GALNT13: variants seen among roughly 807,000 people sequenced by gnomAD.
GALNT13 encodes the protein UDP-GalNAc:polypeptide N-acetylgalactosaminyltransferase 13.
A neutral mutation model predicts 64.2 loss-of-function variants in GALNT13; 28 were observed. That is an observed-to-expected ratio of 0.44 (90% CI 0.32 to 0.60). The LOEUF (loss-of-function observed/expected upper bound fraction) is 0.60. Ranked by LOEUF, GALNT13 falls within the 20% of genes least tolerant of loss-of-function variation. The pLI is 0.05. For synonymous variants in GALNT13, 214 were observed against 224.6 expected (o/e 0.95, Z 0.42); for missense variants, 577 against 669.8 (o/e 0.86, Z 1.53).
At chr2:153,156,572 C>A in the GALNT13 span, among the ~76,000 whole-genome samples, 1 of 152,216 alleles carries the variant, frequency 6.6e-6, no homozygotes, top group Non-Finnish European at 1.5e-5. Flanking sequence ...TGCCATCAGA[C>A]ACTTCTAGTA....
chr2:153,910,548 T>C (rs534245996), intron 2 of GALNT13, among the ~76,000 whole-genome samples: 1 of 152,256 alleles, frequency 6.6e-6, no homozygotes, highest in South Asian at 2.1e-4. Flanking sequence ...TTGAGATCTT[T>C]CTAAGTTTTT....
At chr2:153,373,361 T>C in the GALNT13 span, among the ~76,000 whole-genome samples, 2 of 152,146 alleles carry the variant, frequency 1.3e-5, no homozygotes, top group Non-Finnish European at 2.9e-5. Flanking sequence ...CCACCTTATA[T>C]TATACACAAT....
At chr2:154,176,414 G>A (rs1685657430) in intron 4 of GALNT13, among the ~76,000 whole-genome samples, 1 of 151,550 alleles carries the variant, frequency 6.6e-6, no homozygotes, top group Non-Finnish European at 1.5e-5. Flanking sequence ...CACCACGCCT[G>A]GCTAATTTTT....
At chr2:154,094,354 A>G (rs773178834) in intron 3 of GALNT13, among the ~76,000 whole-genome samples, 37 of 151,982 alleles carry the variant, frequency 2.4e-4, no homozygotes, top group Non-Finnish European at 4.4e-4. Flanking sequence ...GTGCAATGCT[A>G]TACAGATTCA....
the GALNT13 span, among the ~76,000 whole-genome samples, chr2:153,442,945 G>A: frequency 6.6e-6 from 1 of 152,178 alleles, no homozygotes; most frequent in Non-Finnish European, 1.5e-5. Context: ...TGTGCTTGCA[G>A]CAAGAATTTC....
At chr2:153,246,793 A>G in the GALNT13 span, among the ~76,000 whole-genome samples, 32 of 152,356 alleles carry the variant, frequency 2.1e-4, no homozygotes, top group African/African-American at 7.0e-4. Flanking sequence ...ATTCATACAT[A>G]ACAATGTTAA....
the GALNT13 span, among the ~76,000 whole-genome samples, chr2:153,735,880 A>G: frequency 6.6e-6 from 1 of 152,194 alleles, no homozygotes; most frequent in Non-Finnish European, 1.5e-5. Context: ...TTGTCCCATT[A>G]CTGGTGATGT....
chr2:153,339,181 T>C, the GALNT13 span, among the ~76,000 whole-genome samples: 3 of 152,218 alleles, frequency 2.0e-5, no homozygotes, highest in African/African-American at 4.8e-5. Flanking sequence ...TTTTAATGTT[T>C]TGAAGAACTT....
chr2:153,555,667 A>G, the GALNT13 span, among the ~76,000 whole-genome samples: 1 of 152,208 alleles, frequency 6.6e-6, no homozygotes, highest in Non-Finnish European at 1.5e-5. Flanking sequence ...ATAAAATATT[A>G]AGAGTCATGC....
At chr2:153,075,780 ATATTTTGC>A in the GALNT13 span, among the ~76,000 whole-genome samples, 4 of 152,124 alleles carry the variant, frequency 2.6e-5, no homozygotes, top group African/African-American at 9.7e-5. Context: ...AACCACCAAA[ATATTTTGC>A]AGTCTATCCT....
chr2:153,758,420 T>C, the GALNT13 span, among the ~76,000 whole-genome samples: 1 of 152,096 alleles, frequency 6.6e-6, no homozygotes, highest in African/African-American at 2.4e-5. Flanking sequence ...ATTCAGATAG[T>C]GTAATGCCTC....
the GALNT13 span, among the ~76,000 whole-genome samples, chr2:153,770,304 C>T: frequency 6.6e-6 from 1 of 151,960 alleles, no homozygotes; most frequent in African/African-American, 2.4e-5. Context: ...TGTCTATGGT[C>T]CTTTGACTTT....
At chr2:153,617,687 C>T in the GALNT13 span, among the ~76,000 whole-genome samples, 1 of 149,920 alleles carries the variant, frequency 6.7e-6, no homozygotes, top group African/African-American at 2.4e-5. Context: ...GGGTCCCAGG[C>T]TTTTTTTTTA....
chr2:153,578,644 A>G, the GALNT13 span, among the ~76,000 whole-genome samples: 12 of 152,352 alleles, frequency 7.9e-5, no homozygotes, highest in South Asian at 2.5e-3. Context: ...AAATGAGAAC[A>G]AAACCTTCAA....
At chr2:153,127,497 A>G in the GALNT13 span, among the ~76,000 whole-genome samples, 1 of 152,070 alleles carries the variant, frequency 6.6e-6, no homozygotes, top group African/African-American at 2.4e-5. Flanking sequence ...ACCACATGCA[A>G]ACATTCATGG....
At chr2:153,404,638 G>A in the GALNT13 span, among the ~76,000 whole-genome samples, 27 of 152,096 alleles carry the variant, frequency 1.8e-4, no homozygotes, top group East Asian at 5.2e-3. Context: ...AATCCAGGAA[G>A]GAACAATCAA....
chr2:154,017,162 AT>A (rs1314962601), intron 3 of GALNT13, among the ~76,000 whole-genome samples: 1 of 152,150 alleles, frequency 6.6e-6, no homozygotes, highest in Non-Finnish European at 1.5e-5. Flanking sequence ...TGCAGACTTC[AT>A]TTTTTCATCT....
At chr2:153,477,461 T>C in the GALNT13 span, 1 of 152,498 alleles carries the variant, frequency 6.6e-6, no homozygotes, top group Non-Finnish European at 1.5e-5. Flanking sequence ...AGCTACGAGT[T>C]CTATTCTGGG....
chr2:154,177,414 A>G (rs1016968466), intron 4 of GALNT13, among the ~76,000 whole-genome samples: 1 of 152,110 alleles, frequency 6.6e-6, no homozygotes, highest in Non-Finnish European at 1.5e-5. Context: ...GGGAGGGGGA[A>G]TGAATAGGTG....
Sources: allele counts gnomAD v4.1 joint callset (sites outside exome capture counted in the v4.1 genomes callset), GRCh38; gene constraint gnomAD v4.1.1; transcripts MANE v1.5; gene names NCBI Gene and HGNC (gene_info 2026-07-23, HGNC 2026-07-21).